KCNIP4: variants seen among roughly 807,000 people sequenced by gnomAD.
KCNIP4 encodes Kv channel-interacting protein 4.
Under a neutral mutation model 34.0 loss-of-function variants are expected in KCNIP4, and 12 were observed. That is an observed-to-expected ratio of 0.35 (90% CI 0.23 to 0.57). The LOEUF is 0.57. KCNIP4 is among the 20% of genes least tolerant of loss of function. KCNIP4 has a pLI of 0.83. For synonymous variants in KCNIP4, 124 were observed against 102.2 expected (o/e 1.21, Z -1.29); for missense variants, 238 against 311.7 (o/e 0.76, Z 1.78).
At chr4:20,741,640 T>TTAAAAGAAGTAGAGAATTA (rs1751139754) in intron 5 of KCNIP4, among the ~76,000 whole-genome samples, 2 of 152,114 alleles carry the variant, frequency 1.3e-5, no homozygotes, top group Admixed American at 1.3e-4. Flanking sequence ...ATCAACACCC[T>TTAAAAGAAGTAGAGAATTA]AACATCACAA....
At chr4:20,905,280 A>G (rs139071124) in intron 1 of KCNIP4, among the ~76,000 whole-genome samples, 22 of 152,140 alleles carry the variant, frequency 1.4e-4, no homozygotes, top group African/African-American at 4.8e-4. Context: ...TCTCTGTGCT[A>G]GTGTCTCCCT....
At chr4:21,025,192 G>T (rs1161963432) in intron 1 of KCNIP4, among the ~76,000 whole-genome samples, 1 of 152,110 alleles carries the variant, frequency 6.6e-6, no homozygotes, top group African/African-American at 2.4e-5. Flanking sequence ...TTTATGATTT[G>T]TCATTTAGGG....
intron 1 of KCNIP4, among the ~76,000 whole-genome samples, chr4:21,600,755 C>T (rs530840794): frequency 4.9e-4 from 74 of 152,190 alleles, no homozygotes; most frequent in Non-Finnish European, 7.9e-4. Flanking sequence ...TCTGAATTGA[C>T]ACTTGGATAG....
At chr4:21,756,336 A>G (rs764064831) in intron 1 of KCNIP4, among the ~76,000 whole-genome samples, 23 of 151,830 alleles carry the variant, frequency 1.5e-4, no homozygotes, top group Non-Finnish European at 2.9e-4. Context: ...CGGGCAGGTC[A>G]CGAGGTCATG....
rs1009652130 is a variant in KCNIP4 at position 20,784,669 on chromosome 4, A to G, written c.289-25779T>C. ...CATTACACAAATGATCATTTATTCC[A>G]TACAAAGTTATGGAATGTGTAGGGT... On this transcript the variant is annotated intron_variant, in intron 3 of 8. Coordinates refer to ENST00000382152, the MANE Select transcript of KCNIP4 (RefSeq NM_025221.6). 3.3e-5 allele frequency among the ~76,000 whole-genome samples: 5 copies of G among 151,538 alleles called. No homozygotes were observed. In the South Asian group the frequency reaches 1.0e-3, roughly 32 times the overall value.
chr4:20,780,446 C>T lies in KCNIP4; in HGVS notation c.289-21556G>A, dbSNP rs554036273. Among the ~76,000 whole-genome samples, 19 of 152,222 alleles carry T rather than the reference C, an allele frequency of 1.2e-4. No homozygotes were observed. In the South Asian group the frequency reaches 1.7e-3, roughly 13 times the overall value. ...CAATGAACAAAGATTTTAAAGTCAG[C>T]GATCAAAGTCTGGAATGAGTATGAT... is the stretch of plus-strand genomic sequence containing the variant. On this transcript the variant is annotated intron_variant, in intron 3 of 8. Transcript: ENST00000382152.
intron 1 of KCNIP4, among the ~76,000 whole-genome samples, chr4:21,309,119 A>G: frequency 6.6e-6 from 1 of 152,172 alleles, no homozygotes; most frequent in East Asian, 1.9e-4. Flanking sequence ...ATAAAATGAA[A>G]GATTAGTTTG....
Position 21,473,099 on chromosome 4 carries a change from C to T in KCNIP4, c.61+475472G>A, listed in dbSNP as rs34363750. Among the ~76,000 whole-genome samples, 21 of 152,178 alleles carry T rather than the reference C, an allele frequency of 1.4e-4. 1 individual carries two copies. In the East Asian group the frequency reaches 2.5e-3, roughly 18 times the overall value. On this transcript the variant is annotated intron_variant, in intron 1 of 8. Transcript: ENST00000382152. ...TCTGACATGATGATTGGCAACGTTT[C>T]GTTAGAAATTGCTCCATTATACTGG...
chr4:21,526,552 A>G (rs1219921199), intron 1 of KCNIP4, among the ~76,000 whole-genome samples: 1 of 152,074 alleles, frequency 6.6e-6, no homozygotes, highest in East Asian at 1.9e-4. Context: ...ATTGATATGT[A>G]TATCAATCTA....
chr4:21,321,020 C>T (rs1433145362), intron 1 of KCNIP4, among the ~76,000 whole-genome samples: 1 of 145,572 alleles, frequency 6.9e-6, no homozygotes, highest in East Asian at 2.0e-4. Flanking sequence ...GCTGAAAGGT[C>T]ATGAATTGTG....
intron 1 of KCNIP4, among the ~76,000 whole-genome samples, chr4:21,096,737 C>T (rs189485398): frequency 6.8e-4 from 104 of 151,966 alleles, no homozygotes; most frequent in African/African-American, 2.4e-3. Flanking sequence ...ATGTTCTTGC[C>T]TCCTTTGAAT....
chr4:21,945,321 G>A (rs13142338), intron 1 of KCNIP4, among the ~76,000 whole-genome samples: 1 of 152,102 alleles, frequency 6.6e-6, no homozygotes, highest in Admixed American at 6.5e-5. Context: ...TGGGGAGAGA[G>A]GGTGGCTGAA....
chr4:20,852,211 G>T (rs1721112367), intron 2 of KCNIP4, among the ~76,000 whole-genome samples: 1 of 152,076 alleles, frequency 6.6e-6, no homozygotes, highest in East Asian at 1.9e-4. Flanking sequence ...GATGAACATA[G>T]ATGTTAAAAT....
intron 1 of KCNIP4, among the ~76,000 whole-genome samples, chr4:21,267,493 A>G (rs1035384389): frequency 6.6e-5 from 10 of 151,164 alleles, no homozygotes; most frequent in South Asian, 2.1e-4. Context: ...GTTTGTCATA[A>G]ATAGCTCTTA....
intron 1 of KCNIP4, among the ~76,000 whole-genome samples, chr4:21,251,810 A>C (rs541773005): frequency 1.3e-5 from 2 of 149,168 alleles, no homozygotes; most frequent in South Asian, 4.4e-4. Flanking sequence ...GGAATTGAAC[A>C]ATGAGAACAC....
At chr4:21,725,085 G>T (rs1044371211) in intron 1 of KCNIP4, among the ~76,000 whole-genome samples, 2 of 151,970 alleles carry the variant, frequency 1.3e-5, no homozygotes, top group Non-Finnish European at 1.5e-5. Context: ...AGTAAATTTG[G>T]GATATTATTT....
At chr4:21,046,512 A>G (rs1577592171) in intron 1 of KCNIP4, among the ~76,000 whole-genome samples, 1 of 152,206 alleles carries the variant, frequency 6.6e-6, no homozygotes, top group East Asian at 1.9e-4. Flanking sequence ...AGACTTTTAA[A>G]TAAAGCCAGG....
chr4:21,709,538 CTG>C (rs1251744142), intron 1 of KCNIP4, among the ~76,000 whole-genome samples: 2 of 152,096 alleles, frequency 1.3e-5, no homozygotes, highest in African/African-American at 2.4e-5. Flanking sequence ...TGAAATTGAA[CTG>C]TTTTACACTA....
At position 21,908,697 on chromosome 4, in the gene KCNIP4, T is replaced by C. The variant is rs193211596; in HGVS notation, c.61+39874A>G. ...AGGGATCATTCAGTTCCTTATAAGG[T>C]TTAGGAAGGATTTTAGAGCTTATTC... is the stretch of plus-strand genomic sequence containing the variant. On this transcript the variant is annotated intron_variant, in intron 1 of 8. Coordinates refer to ENST00000382152, the MANE Select transcript of KCNIP4 (RefSeq NM_025221.6). Among the ~76,000 whole-genome samples the C allele has an allele frequency of 2.2e-4, 34 of 152,188 alleles. 1 individual carries two copies. The highest frequency in any genetic ancestry group is 6.5e-4 in the African/African-American group (27 of 41,528).
Sources: allele counts gnomAD v4.1 joint callset (sites outside exome capture counted in the v4.1 genomes callset), GRCh38; gene constraint gnomAD v4.1.1; transcripts MANE v1.5; gene names NCBI Gene and HGNC (gene_info 2026-07-23, HGNC 2026-07-21).